The following CTNNBIP1 variants were observed in gnomAD, a reference collection of about 807,000 sequenced individuals.
CTNNBIP1 encodes the protein catenin beta interacting protein 1.
In CTNNBIP1, 7 loss-of-function variants were observed where a neutral mutation model predicts 11.8. That is an observed-to-expected ratio of 0.60 (90% CI 0.34 to 1.12). The LOEUF (loss-of-function observed/expected upper bound fraction) is 1.12. CTNNBIP1 is among the 50% of genes most tolerant of loss of function. The probability of loss-of-function intolerance (pLI) is 0.03; values close to 1 mark genes in which losing one functional copy is unlikely to be tolerated. For synonymous variants in CTNNBIP1, 58 were observed against 43.9 expected, an observed-to-expected ratio of 1.32 and a Z score of -1.26; for missense variants, 101 against 113.4, an observed-to-expected ratio of 0.89 and a Z score of 0.50.
chr1:9,865,219 ACT>A (rs1238123087), intron 5 of CTNNBIP1, among the ~76,000 whole-genome samples: 1 of 147,012 alleles, frequency 6.8e-6, no homozygotes, highest in Non-Finnish European at 1.5e-5. Flanking sequence ...ACAGAGTGAG[ACT>A]CTGTCTCAAA....
chr1:9,899,891 T>C (rs1320881458), intron 1 of CTNNBIP1, among the ~76,000 whole-genome samples: 1 of 150,732 alleles, frequency 6.6e-6, no homozygotes, highest in African/African-American at 2.5e-5. Flanking sequence ...CTAGCCAACA[T>C]GGCAAAGCCC....
At chr1:9,891,597 G>C (rs1379502417) in intron 1 of CTNNBIP1, among the ~76,000 whole-genome samples, 4 of 152,092 alleles carry the variant, frequency 2.6e-5, no homozygotes, top group Non-Finnish European at 5.9e-5. Context: ...ACCTGGCTGA[G>C]AGACCCCAGG....
Position 9,850,156 on chromosome 1 carries a change from T to C in CTNNBIP1, c.*562A>G, listed in dbSNP as rs1262942512. The C allele has an allele frequency of 6.5e-6, 1 of 152,720 alleles. No individual in the cohort carries two copies. Among genetic ancestry groups the C allele is most frequent in the Non-Finnish European group, 1.5e-5 (1 of 68,118 alleles). The allele number at this position is 152,720 out of a possible 1,614,324, so 9.5% of individuals were successfully genotyped here. A position where few individuals can be genotyped will look rare whatever the true frequency, so the allele number is the denominator to read the frequency against. On this transcript the variant is annotated 3_prime_UTR_variant, in exon 6 of 6. Transcript: ENST00000377263. ...GTGTAATAAATATTGCAAAGCGCAC[T>C]TGGTTTCTTTCTTTTCAAGTCAAAT...
chr1:9,849,949 A>C lies in CTNNBIP1; in HGVS notation c.*769T>G, dbSNP rs1638342942. 6.6e-6 allele frequency: 1 copy of C among 152,318 alleles called. No homozygotes were observed. Among genetic ancestry groups the C allele is most frequent in the African/African-American group, 2.4e-5 (1 of 41,408 alleles). 9.4% of individuals were successfully genotyped at this position (152,318 alleles called of 1,614,324 possible). On this transcript the variant is annotated 3_prime_UTR_variant, in exon 6 of 6. Transcript: ENST00000377263. ...GTTCTCGGGGTCCCCTTGCTGGTGGAGGCAGGTGCACTCATTAAAGCAAAT... is the reference window on the plus strand; with the variant it reads ...GTTCTCGGGGTCCCCTTGCTGGTGGCGGCAGGTGCACTCATTAAAGCAAAT...
chr1:9,857,097 G>A (rs893090087), intron 5 of CTNNBIP1, among the ~76,000 whole-genome samples: 4 of 151,494 alleles, frequency 2.6e-5, no homozygotes, highest in Admixed American at 2.0e-4. Flanking sequence ...ACTCCAGCCC[G>A]GGTGACAGAG....
chr1:9,853,416 CAGT>C (rs1638432214), intron 5 of CTNNBIP1, among the ~76,000 whole-genome samples: 1 of 152,172 alleles, frequency 6.6e-6, no homozygotes, highest in Non-Finnish European at 1.5e-5. Flanking sequence ...AAATTTGGGC[CAGT>C]TACCGAATAG....
chr1:9,860,425 T>A (rs1454635786), intron 5 of CTNNBIP1, among the ~76,000 whole-genome samples: 1 of 100,418 alleles, frequency 1.0e-5, no homozygotes, highest in Admixed American at 1.2e-4. Context: ...ACCCCGTCTC[T>A]ACTAAAAAAA....
intron 5 of CTNNBIP1, among the ~76,000 whole-genome samples, chr1:9,862,722 A>C (rs1638656496): frequency 1.3e-5 from 2 of 151,590 alleles, no homozygotes; most frequent in African/African-American, 2.4e-5. Flanking sequence ...TGCAAACAGC[A>C]CCTCTTCTCT....
At chr1:9,852,183 C>T (rs1189738210) in intron 5 of CTNNBIP1, among the ~76,000 whole-genome samples, 2 of 152,134 alleles carry the variant, frequency 1.3e-5, no homozygotes, top group African/African-American at 4.8e-5. Context: ...CCGGGTCTCC[C>T]CCACAGCCGG....
chr1:9,856,992 G>A (rs1287420617), intron 5 of CTNNBIP1, among the ~76,000 whole-genome samples: 2 of 151,682 alleles, frequency 1.3e-5, no homozygotes, highest in Admixed American at 6.6e-5. Flanking sequence ...TGTGGTGGCG[G>A]GCACCTGTAG....
chr1:9,871,339 A>C lies in CTNNBIP1; in HGVS notation c.97-62T>G, dbSNP rs909794722. Reference sequence around the variant, plus strand: ...CACCTGTTCCCTGAAAGGCACCTGCACCCCTAGAGGCACCGCCTAGGCCTG... The same window carrying C: ...CACCTGTTCCCTGAAAGGCACCTGCCCCCCTAGAGGCACCGCCTAGGCCTG... On this transcript the variant is annotated intron_variant, in intron 4 of 5. Transcript: ENST00000377263. This position sits in a 1 kb window ranked among gnomAD's most constrained non-coding sequence, Gnocchi z 5.2. The C allele has an allele frequency of 2.4e-6, 3 of 1,263,568 alleles. No individual in the cohort carries two copies. The highest frequency in any genetic ancestry group is 3.4e-6 in the Non-Finnish European group (3 of 891,842). The allele number at this position is 1,263,568 out of a possible 1,614,324, so 78.3% of individuals were successfully genotyped here.
chr1:9,906,759 T>C (rs1410130131), intron 1 of CTNNBIP1, among the ~76,000 whole-genome samples: 2 of 152,124 alleles, frequency 1.3e-5, no homozygotes, highest in South Asian at 4.1e-4. Flanking sequence ...ATGAGGAGTC[T>C]ACAAGAAGCA....
At chr1:9,904,907 A>G (rs889247968) in intron 1 of CTNNBIP1, among the ~76,000 whole-genome samples, 2 of 152,174 alleles carry the variant, frequency 1.3e-5, no homozygotes, top group African/African-American at 4.8e-5. Context: ...AGGAAGCTCA[A>G]TAAAATGCAG....
At chr1:9,896,706 C>T (rs1288468971) in intron 1 of CTNNBIP1, among the ~76,000 whole-genome samples, 6 of 152,272 alleles carry the variant, frequency 3.9e-5, no homozygotes, top group South Asian at 2.1e-4. Context: ...CGGCGGCTCA[C>T]GCCTTTAATC....
intron 5 of CTNNBIP1, among the ~76,000 whole-genome samples, chr1:9,869,907 G>T (rs1638826648): frequency 6.6e-6 from 1 of 152,244 alleles, no homozygotes. Flanking sequence ...CCAGGATGGG[G>T]CGGGAGCCGA....
At chr1:9,893,562 T>G (rs540470974) in intron 1 of CTNNBIP1, among the ~76,000 whole-genome samples, 48 of 152,078 alleles carry the variant, frequency 3.2e-4, no homozygotes, top group Non-Finnish European at 5.7e-4. Flanking sequence ...ATCCAAAGAA[T>G]GTAAGCAGGA....
At chr1:9,886,316 T>A (rs1469174778) in intron 1 of CTNNBIP1, among the ~76,000 whole-genome samples, 1 of 152,166 alleles carries the variant, frequency 6.6e-6, no homozygotes, top group Non-Finnish European at 1.5e-5. Context: ...TGTCTGCACA[T>A]TGCAGAAGCT....
Position 9,871,366 on chromosome 1 carries a change from T to TTGGTCCCTGCA in CTNNBIP1, c.97-90_97-89insTGCAGGGACCA. ...CCCTAGAGGCACCGCCTAGGCCTGC[T>TTGGTCCCTGCA]TGGTCCCTGCTTGGTCCCTGCTCGG... On this transcript the variant is annotated intron_variant, in intron 4 of 5. Coordinates refer to ENST00000377263, the MANE Select transcript of CTNNBIP1 (RefSeq NM_020248.3). The surrounding 1 kb of genome is among the most constrained non-coding windows in gnomAD (Gnocchi z 5.2). 1.0e-6 allele frequency: 1 copy of TTGGTCCCTGCA among 984,576 alleles called. No homozygotes were observed. 61.0% of individuals were successfully genotyped at this position (984,576 alleles called of 1,614,324 possible).
chr1:9,901,215 G>C (rs1210752788), intron 1 of CTNNBIP1, among the ~76,000 whole-genome samples: 2 of 152,226 alleles, frequency 1.3e-5, no homozygotes, highest in Non-Finnish European at 2.9e-5. Context: ...TCCTGCAGCA[G>C]AAGGATATTT....
Sources: allele counts gnomAD v4.1 joint callset (sites outside exome capture counted in the v4.1 genomes callset), GRCh38; gene constraint gnomAD v4.1.1; non-coding constraint Gnocchi (gnomAD v3.1); transcripts MANE v1.5; gene names NCBI Gene and HGNC (gene_info 2026-07-23, HGNC 2026-07-21).